CADPS2: variants seen among roughly 807,000 people sequenced by gnomAD.
The protein encoded by CADPS2 is calcium-dependent secretion activator 2.
Under a neutral mutation model 172.5 loss-of-function variants are expected in CADPS2, and 93 were observed. The ratio of observed to expected loss-of-function variants is 0.54; its 90% confidence interval spans 0.46 to 0.64. The LOEUF is 0.64. CADPS2 is among the 30% of genes least tolerant of loss of function. CADPS2 has a pLI of 0.00. For missense variants in CADPS2, 1,420 were observed against 1,565.9 expected, an observed-to-expected ratio of 0.91 and a Z score of 1.57; for synonymous variants, 546 against 555.2, an observed-to-expected ratio of 0.98 and a Z score of 0.23.
intron 2 of CADPS2, among the ~76,000 whole-genome samples, chr7:122,707,176 T>C (rs987114349): frequency 6.6e-6 from 1 of 151,860 alleles, no homozygotes; most frequent in Non-Finnish European, 1.5e-5. Context: ...ACATGTAATA[T>C]GCACTGTACA....
At chr7:122,876,716 T>G (rs1821311154) in intron 1 of CADPS2, among the ~76,000 whole-genome samples, 1 of 152,180 alleles carries the variant, frequency 6.6e-6, no homozygotes, top group African/African-American at 2.4e-5. Context: ...AAAATAAGAC[T>G]TATAGCTAAC....
chr7:122,725,439 G>A (rs2090983549), intron 2 of CADPS2, among the ~76,000 whole-genome samples: 1 of 151,784 alleles, frequency 6.6e-6, no homozygotes, highest in Admixed American at 6.6e-5. Context: ...TATAAGTGTA[G>A]TTGTGTTATA....
chr7:122,867,578 G>A (rs1184593673), intron 1 of CADPS2, among the ~76,000 whole-genome samples: 1 of 152,168 alleles, frequency 6.6e-6, no homozygotes, highest in African/African-American at 2.4e-5. Context: ...CTGAGGAATG[G>A]CAGGGAGAGG....
At chr7:122,697,347 T>A (rs1252732803) in intron 2 of CADPS2, among the ~76,000 whole-genome samples, 1 of 152,168 alleles carries the variant, frequency 6.6e-6, no homozygotes, top group Non-Finnish European at 1.5e-5. Flanking sequence ...AAATATGTTA[T>A]CAAAAGATAA....
chr7:122,508,463 T>G lies in CADPS2; in HGVS notation c.1542+4786A>C, dbSNP rs1052424781. On this transcript the variant is annotated intron_variant, in intron 9 of 29. Coordinates refer to ENST00000449022, the MANE Select transcript of CADPS2 (RefSeq NM_017954.11). ...TATTCATTTAAGTTTTTTTTTTTTT[T>G]TTTTTTTTTTTTTTTTCTGGAGACA... is the stretch of plus-strand genomic sequence containing the variant. Among the ~76,000 whole-genome samples the G allele has an allele frequency of 1.6e-4, 22 of 134,412 alleles. 2 individuals carry two copies. The East Asian group carries it at 4.0e-3, about 24-fold the overall frequency. 88.2% of individuals were successfully genotyped at this position (134,412 alleles called of 152,430 possible). A position where few individuals can be genotyped will look rare whatever the true frequency, so the allele number is the denominator to read the frequency against.
chr7:122,855,039 G>A (rs897836070), intron 1 of CADPS2, among the ~76,000 whole-genome samples: 3 of 152,226 alleles, frequency 2.0e-5, no homozygotes, highest in African/African-American at 7.2e-5. Context: ...TCTCCCTGGA[G>A]AGGAAGTAGT....
At position 122,379,807 on chromosome 7, in the gene CADPS2, A is replaced by G. The variant is rs1230467653; in HGVS notation, c.3313-365T>C. ...GTTTAGCTGGAGAAGCAAAAAGACT[A>G]GAAAAAGATTTAATTAATACTGCAT... is the stretch of plus-strand genomic sequence containing the variant. On this transcript the variant is annotated intron_variant, in intron 24 of 29. Transcript: ENST00000449022. 2.0e-5 allele frequency among the ~76,000 whole-genome samples: 3 copies of G among 152,166 alleles called. 1 individual carries two copies. Among genetic ancestry groups the G allele is most frequent in the Admixed American group, 2.0e-4 (3 of 15,272 alleles).
At chr7:122,351,354 CAG>C (rs1264244667) in intron 27 of CADPS2, among the ~76,000 whole-genome samples, 2 of 64,478 alleles carry the variant, frequency 3.1e-5, no homozygotes, top group Non-Finnish European at 5.4e-5. Context: ...GCCTGGGTGA[CAG>C]AGCGAGACTC....
intron 28 of CADPS2, 36 bp downstream of exon 28, chr7:122,345,538 A>G: frequency 1.6e-6 from 2 of 1,222,824 alleles, no homozygotes; most frequent in Non-Finnish European, 2.4e-6. Context: ...CAGTTTATCT[A>G]TGGTGTCAGC....
At chr7:122,431,800 C>A (rs749043267) in intron 17 of CADPS2, among the ~76,000 whole-genome samples, 4 of 151,772 alleles carry the variant, frequency 2.6e-5, no homozygotes, top group South Asian at 2.1e-4. Context: ...ACCAGCCTGG[C>A]CAGCATGGTG....
intron 2 of CADPS2, among the ~76,000 whole-genome samples, chr7:122,713,047 T>C (rs894691894): frequency 3.9e-5 from 6 of 152,030 alleles, no homozygotes; most frequent in Non-Finnish European, 7.4e-5. Flanking sequence ...GTTTAATCAT[T>C]ATATAGTTCT....
At chr7:122,874,135 T>C (rs904597336) in intron 1 of CADPS2, among the ~76,000 whole-genome samples, 9 of 152,202 alleles carry the variant, frequency 5.9e-5, no homozygotes, top group Admixed American at 5.2e-4. Context: ...TGATAGTTTC[T>C]TTTGCTGTGC....
chr7:122,533,869 T>G (rs2061994527), intron 8 of CADPS2, among the ~76,000 whole-genome samples: 1 of 152,162 alleles, frequency 6.6e-6, no homozygotes, highest in Admixed American at 6.6e-5. Context: ...ACAGATCCAG[T>G]GCAGATGTTA....
chr7:122,357,241 G>A (rs1324799837), intron 27 of CADPS2: 1 of 152,004 alleles, frequency 6.6e-6, no homozygotes. Context: ...TTACTTAATT[G>A]TTCAATTCCA....
chr7:122,326,843 A>C (rs1222529001), intron 28 of CADPS2, among the ~76,000 whole-genome samples: 2 of 152,064 alleles, frequency 1.3e-5, no homozygotes, highest in African/African-American at 2.4e-5. Flanking sequence ...TTAAAAATGA[A>C]TTTTACATTT....
At chr7:122,780,079 G>T (rs1487983081) in intron 1 of CADPS2, among the ~76,000 whole-genome samples, 2 of 152,144 alleles carry the variant, frequency 1.3e-5, no homozygotes, top group Non-Finnish European at 2.9e-5. Flanking sequence ...GAGAAAAGAG[G>T]TATGTAGTCT....
At chr7:122,636,985 G>A (rs368045673) in intron 3 of CADPS2, among the ~76,000 whole-genome samples, 2 of 152,028 alleles carry the variant, frequency 1.3e-5, no homozygotes, top group African/African-American at 4.8e-5. Flanking sequence ...ATGCCAATGA[G>A]TTGTAGATTT....
At chr7:122,357,350 T>G (rs1196459047) in intron 27 of CADPS2, 6 of 152,188 alleles carry the variant, frequency 3.9e-5, no homozygotes, top group Non-Finnish European at 8.8e-5. Flanking sequence ...CCCCTTATTC[T>G]TACAGACTCC....
chr7:122,538,329 T>C (rs2062537966), intron 8 of CADPS2, among the ~76,000 whole-genome samples: 1 of 143,752 alleles, frequency 7.0e-6, no homozygotes, highest in South Asian at 2.2e-4. Context: ...GAGGTGAATA[T>C]AAACACACAA....
Sources: gnomAD v4.1 joint callset for allele counts (sites outside exome capture counted in the v4.1 genomes callset) on GRCh38, gnomAD v4.1.1 for gene constraint, MANE v1.5 for transcripts, NCBI Gene and HGNC (gene_info 2026-07-23, HGNC 2026-07-21) for gene names.